DEFB107B: variants seen among roughly 807,000 people sequenced by gnomAD.
DEFB107B encodes the protein beta-defensin 107.
chr8:7,507,507 G>T (rs1811965167), intron 1 of DEFB107B, among the ~76,000 whole-genome samples: 1 of 88,050 alleles, frequency 1.1e-5, no homozygotes, highest in Non-Finnish European at 2.2e-5. Context: ...AAACTAACTT[G>T]TTATAATAAA....
chr8:7,497,513 T>C (rs1203525040), intron 1 of DEFB107B, among the ~76,000 whole-genome samples: 1 of 151,998 alleles, frequency 6.6e-6, no homozygotes, highest in Non-Finnish European at 1.5e-5. Context: ...AGACTAGAAC[T>C]AAAGAACAGA....
chr8:7,496,461 G>A (rs867237426), intron 1 of DEFB107B, among the ~76,000 whole-genome samples: 2 of 150,618 alleles, frequency 1.3e-5, no homozygotes, highest in East Asian at 1.9e-4. Context: ...CACCACGCCT[G>A]GCTAATTTTT....
Position 7,507,971 on chromosome 8 carries a change from C to T in DEFB107B, c.71-1110C>T, listed in dbSNP as rs1227310800. Among the ~76,000 whole-genome samples the T allele has an allele frequency of 1.6e-4, 23 of 142,330 alleles. 1 individual carries two copies. The highest frequency in any genetic ancestry group is 5.8e-4 in the African/African-American group (20 of 34,708). The allele number at this position is 142,330 out of a possible 152,430, so 93.4% of individuals were successfully genotyped here. On this transcript the variant is annotated intron_variant, in intron 1 of 1. Transcript: ENST00000355602. ...CTGCTTGAGCAGTGGCAGGCACATACTCTATGCTATGTTAGAGTTTACCAT... is the reference window on the plus strand; with the variant it reads ...CTGCTTGAGCAGTGGCAGGCACATATTCTATGCTATGTTAGAGTTTACCAT...
chr8:7,497,265 C>T (rs865781092), intron 1 of DEFB107B, among the ~76,000 whole-genome samples: 53 of 152,058 alleles, frequency 3.5e-4, no homozygotes, highest in African/African-American at 1.3e-3. Flanking sequence ...CTATGTTGTT[C>T]GAAAATAGGT....
chr8:7,496,421 T>C (rs1487400194), intron 1 of DEFB107B, among the ~76,000 whole-genome samples: 3 of 140,496 alleles, frequency 2.1e-5, no homozygotes, highest in Non-Finnish European at 3.0e-5. Flanking sequence ...TGCCTCAGCC[T>C]CCCGAGTAGC....
Position 7,502,556 on chromosome 8 carries a change from T to C in DEFB107B, c.71-6525T>C, listed in dbSNP as rs1298545916. 9.5e-5 allele frequency among the ~76,000 whole-genome samples: 2 copies of C among 21,136 alleles called. 1 individual carries two copies. Among genetic ancestry groups the C allele is most frequent in the African/African-American group, 1.8e-4 (2 of 10,872 alleles). The allele number at this position is 21,136 out of a possible 152,430, so 13.9% of individuals were successfully genotyped here. A position where few individuals can be genotyped will look rare whatever the true frequency, so the allele number is the denominator to read the frequency against. ...GTTGCCTCTGGGGTTAATATTCTTT[T>C]ACTATTTAAGTCTGAGTCTCCTCTT... On this transcript the variant is annotated intron_variant, in intron 1 of 1. Coordinates refer to ENST00000355602, the MANE Select transcript of DEFB107B (RefSeq NM_001040705.2).
chr8:7,496,690 A>G (rs2128882634), intron 1 of DEFB107B, among the ~76,000 whole-genome samples: 4 of 129,658 alleles, frequency 3.1e-5, no homozygotes, highest in Middle Eastern at 3.8e-3. Flanking sequence ...ATATTTGTTA[A>G]GTTAGGGAAG....
At position 7,497,215 on chromosome 8, in the gene DEFB107B, C is replaced by T. The variant is rs1465122774; in HGVS notation, c.70+1212C>T. Among the ~76,000 whole-genome samples the T allele has an allele frequency of 4.0e-5, 6 of 151,670 alleles. No individual in the cohort carries two copies. In the East Asian group the frequency reaches 9.7e-4, roughly 25 times the overall value. ...AAGAGGTAAAAATATAAAGCATGGACATTGACCTTAATTTGCTTGAAGTTA... is the reference window on the plus strand; with the variant it reads ...AAGAGGTAAAAATATAAAGCATGGATATTGACCTTAATTTGCTTGAAGTTA... On this transcript the variant is annotated intron_variant, in intron 1 of 1. Transcript: ENST00000355602.
chr8:7,497,607 A>C (rs1404969421), intron 1 of DEFB107B, among the ~76,000 whole-genome samples: 1 of 152,078 alleles, frequency 6.6e-6, no homozygotes, highest in Non-Finnish European at 1.5e-5. Context: ...TTCTGCCCTC[A>C]GCATCTTTTT....
chr8:7,507,871 C>T (rs1426477892), intron 1 of DEFB107B, among the ~76,000 whole-genome samples: 1 of 146,296 alleles, frequency 6.8e-6, no homozygotes, highest in Non-Finnish European at 1.5e-5. Context: ...TCCAGCTAAA[C>T]CCAGAGGTTC....
intron 1 of DEFB107B, among the ~76,000 whole-genome samples, chr8:7,496,290 C>CTTTTTTTTTTTT (rs1171104972): frequency 8.5e-5 from 4 of 46,830 alleles, no homozygotes; most frequent in East Asian, 6.9e-4. Context: ...TCAGCATATT[C>CTTTTTTTTTTTT]TTTTTTTTTT....
At chr8:7,496,629 G>GGA (rs1563361413) in intron 1 of DEFB107B, among the ~76,000 whole-genome samples, 1 of 52,626 alleles carries the variant, frequency 1.9e-5, no homozygotes, top group Non-Finnish European at 3.7e-5. Flanking sequence ...TCTTTAAAAT[G>GGA]AAAAAAAAAA....
At chr8:7,496,521 T>G (rs1168208294) in intron 1 of DEFB107B, among the ~76,000 whole-genome samples, 1 of 152,038 alleles carries the variant, frequency 6.6e-6, no homozygotes, top group Non-Finnish European at 1.5e-5. Flanking sequence ...AGGATGGTCT[T>G]GATGTCCTGA....
At chr8:7,496,298 T>TTTC (rs1411550108) in intron 1 of DEFB107B, among the ~76,000 whole-genome samples, 1 of 73,740 alleles carries the variant, frequency 1.4e-5, no homozygotes, top group African/African-American at 7.2e-5. Context: ...TTCTTTTTTT[T>TTTC]TTTTTTTTTT....
intron 1 of DEFB107B, among the ~76,000 whole-genome samples, chr8:7,496,433 G>A (rs1254230358): frequency 2.0e-5 from 3 of 148,474 alleles, no homozygotes; most frequent in African/African-American, 7.5e-5. Flanking sequence ...CCGAGTAGCT[G>A]GGACTACACG....
intron 1 of DEFB107B, among the ~76,000 whole-genome samples, chr8:7,508,083 A>ATATGTGTGTG (rs1554551694): frequency 4.7e-5 from 2 of 42,776 alleles, no homozygotes; most frequent in African/African-American, 8.0e-5. Context: ...ATATATATAT[A>ATATGTGTGTG]TGTGTGTGTG....
intron 1 of DEFB107B, among the ~76,000 whole-genome samples, chr8:7,496,504 G>T (rs1233734216): frequency 1.3e-5 from 2 of 152,034 alleles, no homozygotes; most frequent in Non-Finnish European, 2.9e-5. Flanking sequence ...GTTTCACCGT[G>T]TTAGCCAGGA....
At chr8:7,496,756 C>T (rs375363090) in intron 1 of DEFB107B, among the ~76,000 whole-genome samples, 781 of 125,466 alleles carry the variant, frequency 6.2e-3, no homozygotes, top group East Asian at 0.027. Context: ...TCTTAGACAG[C>T]TAATTTTTTT....
chr8:7,508,402 A>G (rs1318569451), intron 1 of DEFB107B, among the ~76,000 whole-genome samples: 1 of 135,750 alleles, frequency 7.4e-6, no homozygotes, highest in Non-Finnish European at 1.5e-5. Context: ...TTCTTCCACT[A>G]TTGTTTCCTA....
Sources: allele counts gnomAD v4.1 joint callset (sites outside exome capture counted in the v4.1 genomes callset), GRCh38; gene constraint gnomAD v4.1.1; transcripts MANE v1.5; gene names NCBI Gene and HGNC (gene_info 2026-07-23, HGNC 2026-07-21).